Variants in CACNA1C observed in about 807,000 individuals in gnomAD.
The protein encoded by CACNA1C is calcium voltage-gated channel subunit alpha1 C.
In CACNA1C, 30 loss-of-function variants were observed where a neutral mutation model predicts 229.0. That is an observed-to-expected ratio of 0.13 (90% CI 0.10 to 0.18). CACNA1C has a LOEUF of 0.18. CACNA1C is among the 10% of genes least tolerant of loss of function. The pLI, the probability that CACNA1C is intolerant of heterozygous loss-of-function variation, is 1.00. For missense variants in CACNA1C, 1,658 were observed against 2,845.0 expected (o/e 0.58, Z 9.49); for synonymous variants, 1,114 against 1,132.5 (o/e 0.98, Z 0.33).
intron 1 of CACNA1C, among the ~76,000 whole-genome samples, chr12:2,005,059 C>T (rs1437926640): frequency 1.3e-5 from 2 of 151,640 alleles, no homozygotes; most frequent in African/African-American, 4.9e-5. Context: ...TTAAAAGCGC[C>T]GGTGGTTTAA....
rs1489456841 is a variant in CACNA1C, at chr12:2,653,398, C to T, written c.4075-437C>T. Among the ~76,000 whole-genome samples, 1 of 151,924 alleles carries T rather than the reference C, an allele frequency of 6.6e-6. No homozygotes were observed. Among genetic ancestry groups the T allele is most frequent in the African/African-American group, 2.4e-5 (1 of 41,340 alleles). Reference sequence around the variant, plus strand: ...AATGTTTCCATTGCAATAGTAATACCCGCTCACTACAACTAGTGGGATGGA... The same window carrying T: ...AATGTTTCCATTGCAATAGTAATACTCGCTCACTACAACTAGTGGGATGGA... On this transcript the variant is annotated intron_variant, in intron 32 of 46. Transcript: ENST00000399655. The surrounding 1 kb of genome is among the most constrained non-coding windows in gnomAD (Gnocchi z 4.7).
intron 3 of CACNA1C, among the ~76,000 whole-genome samples, chr12:2,414,670 G>A (rs1031957418): frequency 6.6e-6 from 1 of 152,174 alleles, no homozygotes; most frequent in Non-Finnish European, 1.5e-5. Context: ...CTGATTGAGT[G>A]TCACAGGGCA....
intron 3 of CACNA1C, among the ~76,000 whole-genome samples, chr12:2,330,969 T>G (rs2096528034): frequency 6.6e-6 from 1 of 152,162 alleles, no homozygotes; most frequent in African/African-American, 2.4e-5. Flanking sequence ...GTTACAACTT[T>G]AAAAAACTGG....
chr12:2,560,848 T>TAAAAA lies in CACNA1C; in HGVS notation c.1508+3890_1508+3894dup, dbSNP rs36012443. 1.5e-4 allele frequency among the ~76,000 whole-genome samples: 17 copies of TAAAAA among 113,074 alleles called. 1 individual carries two copies. The South Asian group carries it at 2.1e-3, about 14-fold the overall frequency. 74.2% of individuals were successfully genotyped at this position (113,074 alleles called of 152,430 possible). A position where few individuals can be genotyped will look rare whatever the true frequency, so the allele number is the denominator to read the frequency against. On this transcript the variant is annotated intron_variant, in intron 11 of 46. Transcript: ENST00000399655. ...CTGTGGTGTTTGTTGTTGGTTCTGG[T>TAAAAA]AAAAAAAAAAAAAAAAAAAAAAAGT...
chr12:2,635,244 A>G (rs2092343041), intron 30 of CACNA1C, among the ~76,000 whole-genome samples: 1 of 151,758 alleles, frequency 6.6e-6, no homozygotes, highest in African/African-American at 2.4e-5. Context: ...GCCTCCTGCC[A>G]CCTCCTTCTC....
intron 3 of CACNA1C, among the ~76,000 whole-genome samples, chr12:2,412,322 A>G (rs2098817079): frequency 6.6e-6 from 1 of 152,204 alleles, no homozygotes; most frequent in Non-Finnish European, 1.5e-5. Context: ...TCTTAGAGAA[A>G]CGGGTCAGGC....
At chr12:2,513,782 T>C (rs930037345) in intron 9 of CACNA1C, among the ~76,000 whole-genome samples, 44 of 152,328 alleles carry the variant, frequency 2.9e-4, no homozygotes, top group African/African-American at 1.0e-3. Flanking sequence ...ATGCAAAGTC[T>C]TGGGCCCCAC....
rs138358781 is a variant in CACNA1C, at chr12:2,526,740, G to A, written c.1390+13756G>A. Among the ~76,000 whole-genome samples, 13 of 152,354 alleles carry A rather than the reference G, an allele frequency of 8.5e-5. No homozygotes were observed. In the East Asian group the frequency reaches 2.5e-3, roughly 29 times the overall value. The stretch of plus-strand genomic sequence containing the variant: ...GGTGAAGGTAGACTGGAGTGATAGA[G>A]TAGCATGTTCACTTCTACATGGCGC... On this transcript the variant is annotated intron_variant, in intron 9 of 46. Coordinates refer to ENST00000399655, the MANE Select transcript of CACNA1C (RefSeq NM_000719.7).
intron 1 of CACNA1C, among the ~76,000 whole-genome samples, chr12:2,042,657 T>C (rs888130417): frequency 9.9e-5 from 15 of 152,186 alleles, no homozygotes; most frequent in African/African-American, 3.6e-4. Flanking sequence ...ACAGGTGTGC[T>C]TCTCTGCTGA....
At chr12:2,252,716 A>G (rs2076030398) in intron 3 of CACNA1C, among the ~76,000 whole-genome samples, 1 of 152,174 alleles carries the variant, frequency 6.6e-6, no homozygotes, top group African/African-American at 2.4e-5. Context: ...GGACAGCTGT[A>G]TGTTTTCTGT....
At chr12:2,429,129 C>T (rs1354522610) in intron 3 of CACNA1C, among the ~76,000 whole-genome samples, 1 of 152,054 alleles carries the variant, frequency 6.6e-6, no homozygotes, top group Non-Finnish European at 1.5e-5. Flanking sequence ...AGCTTTGCCT[C>T]GGTGGTCACA....
intron 2 of CACNA1C, among the ~76,000 whole-genome samples, chr12:2,116,618 C>A (rs142496833): frequency 2.0e-5 from 3 of 152,082 alleles, no homozygotes; most frequent in African/African-American, 7.2e-5. Flanking sequence ...CTGCCTGCCT[C>A]GGCCTCCCAA....
intron 3 of CACNA1C, among the ~76,000 whole-genome samples, chr12:2,165,917 A>G (rs1374936205): frequency 6.6e-6 from 1 of 152,224 alleles, no homozygotes; most frequent in African/African-American, 2.4e-5. Context: ...TCCAGAAGAT[A>G]AAGGAAAACC....
chr12:2,312,475 A>G (rs939329196), intron 3 of CACNA1C, among the ~76,000 whole-genome samples: 10 of 152,170 alleles, frequency 6.6e-5, no homozygotes, highest in African/African-American at 2.4e-4. Context: ...TCAGATCAAC[A>G]CAAGGGCCAA....
chr12:2,667,767 A>G (rs1257278716), intron 37 of CACNA1C, among the ~76,000 whole-genome samples: 4 of 152,164 alleles, frequency 2.6e-5, no homozygotes, highest in African/African-American at 9.7e-5. Context: ...CACACCGTCC[A>G]TGAGGCTCAT....
intron 9 of CACNA1C, among the ~76,000 whole-genome samples, chr12:2,527,420 A>G (rs1299479665): frequency 1.3e-5 from 2 of 152,218 alleles, no homozygotes; most frequent in Non-Finnish European, 2.9e-5. Flanking sequence ...GGCTAGCTTT[A>G]AAGGAAAAAG....
chr12:2,599,252 C>T (rs918941142), intron 21 of CACNA1C, among the ~76,000 whole-genome samples: 2 of 152,184 alleles, frequency 1.3e-5, no homozygotes, highest in Admixed American at 6.5e-5. Flanking sequence ...GAATAGAAAC[C>T]CCAATGCCGG....
At chr12:1,972,998 C>T (rs982154860) in intron 1 of CACNA1C, among the ~76,000 whole-genome samples, 4 of 152,222 alleles carry the variant, frequency 2.6e-5, no homozygotes, top group African/African-American at 7.2e-5. Flanking sequence ...CGGCTCTGTG[C>T]GGATTCTGTA....
At chr12:2,239,715 G>T (rs1167911432) in intron 3 of CACNA1C, among the ~76,000 whole-genome samples, 1 of 152,194 alleles carries the variant, frequency 6.6e-6, no homozygotes, top group Non-Finnish European at 1.5e-5. Context: ...TGCTCCAGTG[G>T]CTCTCTCCTG....
Sources: gnomAD v4.1 joint callset for allele counts (sites outside exome capture counted in the v4.1 genomes callset) on GRCh38, gnomAD v4.1.1 for gene constraint, Gnocchi (gnomAD v3.1) non-coding constraint, MANE v1.5 for transcripts, NCBI Gene and HGNC (gene_info 2026-07-23, HGNC 2026-07-21) for gene names.